SMPD3: variants seen among roughly 807,000 people sequenced by gnomAD.
SMPD3 encodes the protein sphingomyelin phosphodiesterase 3, also known as nSMase-2.
Under a neutral mutation model 55.7 loss-of-function variants are expected in SMPD3, and 21 were observed. That is an observed-to-expected ratio of 0.38 (90% confidence interval 0.27 to 0.54). SMPD3 has a LOEUF of 0.54. Among genes scored for constraint, SMPD3 ranks in the 20% least tolerant of loss-of-function variants. The probability of loss-of-function intolerance (pLI) is 0.80; values close to 1 mark genes in which losing one functional copy is unlikely to be tolerated. For missense variants in SMPD3, 842 were observed against 899.6 expected (o/e 0.94, Z 0.82); for synonymous variants, 457 against 404.3 (o/e 1.13, Z -1.56).
At chr16:68,433,978 T>C (rs921234271) in intron 1 of SMPD3, among the ~76,000 whole-genome samples, 2 of 152,150 alleles carry the variant, frequency 1.3e-5, no homozygotes, top group Admixed American at 1.3e-4. Context: ...TTTCTAAACA[T>C]ACCATATGTT....
intron 1 of SMPD3, among the ~76,000 whole-genome samples, chr16:68,444,211 T>C (rs1220652698): frequency 6.6e-6 from 1 of 152,142 alleles, no homozygotes; most frequent in African/African-American, 2.4e-5. Flanking sequence ...CACCCAGAAG[T>C]CCTCCCTTCC....
At chr16:68,425,318 T>C (rs1347221053) in intron 1 of SMPD3, among the ~76,000 whole-genome samples, 1 of 152,232 alleles carries the variant, frequency 6.6e-6, no homozygotes, top group Non-Finnish European at 1.5e-5. Context: ...GAATCTTTCC[T>C]ATTCAAAAGA....
At chr16:68,428,302 T>C (rs1486332535) in intron 1 of SMPD3, among the ~76,000 whole-genome samples, 3 of 152,006 alleles carry the variant, frequency 2.0e-5, no homozygotes, top group Non-Finnish European at 4.4e-5. Context: ...TCAGAAAGAG[T>C]AGGACAAATC....
At chr16:68,392,640 T>C (rs1296848077) in intron 1 of SMPD3, among the ~76,000 whole-genome samples, 1 of 151,896 alleles carries the variant, frequency 6.6e-6, no homozygotes, top group African/African-American at 2.4e-5. Context: ...GGTAGGAGGA[T>C]CACCTGAGGC....
intron 8 of SMPD3, 28 bp downstream of exon 8, chr16:68,361,575 C>T (rs2089270580): frequency 6.2e-7 from 1 of 1,603,050 alleles, no homozygotes; most frequent in Non-Finnish European, 8.5e-7. Context: ...CTTTGCATGG[C>T]CCTGGCTGCT....
At chr16:68,437,628 C>G (rs1643543076) in intron 1 of SMPD3, among the ~76,000 whole-genome samples, 1 of 152,166 alleles carries the variant, frequency 6.6e-6, no homozygotes, top group South Asian at 2.1e-4. Flanking sequence ...TATTATCTTG[C>G]ACATCAAAAC....
rs1415096258 is a variant in SMPD3 at position 68,358,639 on chromosome 16, TACTTAAA to T, written c.*2560_*2566del. 9.8e-5 allele frequency: 15 copies of T among 152,684 alleles called. No individual in the cohort carries two copies. Among genetic ancestry groups the T allele is most frequent in the East Asian group, 3.7e-4 (2 of 5,344 alleles). The allele number at this position is 152,684 out of a possible 1,614,324, so 9.5% of individuals were successfully genotyped here. On this transcript the variant is annotated 3_prime_UTR_variant, in exon 9 of 9. Transcript: ENST00000219334. Reference sequence around the variant, plus strand: ...TAGTTAAAAAGCATCAAGATTAATATACTTAAAACTTAAGGTGGTTTTGGACAAATGA... The same window carrying T: ...TAGTTAAAAAGCATCAAGATTAATATACTTAAGGTGGTTTTGGACAAATGA...
chr16:68,427,497 C>T (rs1457219809), intron 1 of SMPD3, among the ~76,000 whole-genome samples: 1 of 152,212 alleles, frequency 6.6e-6, no homozygotes, highest in African/African-American at 2.4e-5. Context: ...TTTGTTTCGA[C>T]ACTGTCCAAT....
chr16:68,407,662 T>A (rs2090265183), intron 1 of SMPD3, among the ~76,000 whole-genome samples: 1 of 152,212 alleles, frequency 6.6e-6, no homozygotes, highest in Non-Finnish European at 1.5e-5. Context: ...AAATTGTTTT[T>A]AATTTTTATT....
chr16:68,381,786 C>T lies in SMPD3; in HGVS notation c.-207+4812G>A, dbSNP rs372772116. Among the ~76,000 whole-genome samples, 21 of 152,244 alleles carry T rather than the reference C, an allele frequency of 1.4e-4. No individual in the cohort carries two copies. In the East Asian group the frequency reaches 3.3e-3, roughly 24 times the overall value. On this transcript the variant is annotated intron_variant, in intron 2 of 8. Coordinates refer to ENST00000219334, the MANE Select transcript of SMPD3 (RefSeq NM_018667.4). ...CCTTTGATTATAACCACCGCATGACCCATCCCATCCTGACCAATAGAGGAC... is the reference window on the plus strand; with the variant it reads ...CCTTTGATTATAACCACCGCATGACTCATCCCATCCTGACCAATAGAGGAC...
At position 68,360,253 on chromosome 16, in the gene SMPD3, T is replaced by G. The variant is rs1188494613; in HGVS notation, c.*953A>C. The G allele has an allele frequency of 6.6e-6, 1 of 152,324 alleles. No homozygotes were observed. Among genetic ancestry groups the G allele is most frequent in the East Asian group, 1.9e-4 (1 of 5,318 alleles). The allele number at this position is 152,324 out of a possible 1,614,324, so 9.4% of individuals were successfully genotyped here. A position where few individuals can be genotyped will look rare whatever the true frequency, so the allele number is the denominator to read the frequency against. On this transcript the variant is annotated 3_prime_UTR_variant, in exon 9 of 9. Transcript: ENST00000219334. Reference sequence around the variant, plus strand: ...GAGAGGATTGGCAGAAAGAAGAGGATGTGTTGGTTTTGATAGAAGAGAAGC... The same window carrying G: ...GAGAGGATTGGCAGAAAGAAGAGGAGGTGTTGGTTTTGATAGAAGAGAAGC...
At chr16:68,433,730 C>T (rs913988982) in intron 1 of SMPD3, among the ~76,000 whole-genome samples, 11 of 152,214 alleles carry the variant, frequency 7.2e-5, no homozygotes, top group Non-Finnish European at 1.5e-5. Context: ...GAAGCCCAGG[C>T]TGTGTGGGGT....
chr16:68,401,325 A>T (rs1464806798), intron 1 of SMPD3, among the ~76,000 whole-genome samples: 1 of 152,188 alleles, frequency 6.6e-6, no homozygotes, highest in Non-Finnish European at 1.5e-5. Context: ...TGTCACTGGC[A>T]CTGGAGGTTT....
intron 1 of SMPD3, among the ~76,000 whole-genome samples, chr16:68,428,622 G>A (rs2090456308): frequency 6.6e-6 from 1 of 152,220 alleles, no homozygotes; most frequent in Non-Finnish European, 1.5e-5. Context: ...GGCTTCCCAG[G>A]AAGTCATGCT....
chr16:68,401,625 C>T (rs1343874249), intron 1 of SMPD3, among the ~76,000 whole-genome samples: 1 of 152,056 alleles, frequency 6.6e-6, no homozygotes, highest in Non-Finnish European at 1.5e-5. Flanking sequence ...TATCTGAGAT[C>T]CCCACACCAA....
In SMPD3 at chr16:68,372,385, A is replaced by T. The variant is rs927449966; in HGVS notation, c.-204T>A. The T allele has an allele frequency of 2.2e-5, 14 of 645,916 alleles. No homozygotes were observed. The highest frequency in any genetic ancestry group is 3.5e-5 in the Non-Finnish European group (13 of 376,776). The allele number at this position is 645,916 out of a possible 1,614,324, so 40.0% of individuals were successfully genotyped here. A position where few individuals can be genotyped will look rare whatever the true frequency, so the allele number is the denominator to read the frequency against. On this transcript the variant is annotated splice_region_variant and 5_prime_UTR_variant, in exon 3 of 9. Coordinates refer to ENST00000219334, the MANE Select transcript of SMPD3 (RefSeq NM_018667.4). ...TGGGCCATGCGGAGGCCTACTGCAG[A>T]CCCTGCAGAGACAAAAGTAGGGGGA...
intron 8 of SMPD3, 133 bp downstream of exon 8, chr16:68,361,470 C>T (rs1371191956): frequency 7.0e-7 from 1 of 1,431,290 alleles, no homozygotes; most frequent in Non-Finnish European, 9.6e-7. Context: ...CCCTAAGGGT[C>T]TGAGGGAGTG....
chr16:68,417,751 C>T (rs2090350431), intron 1 of SMPD3, among the ~76,000 whole-genome samples: 1 of 152,164 alleles, frequency 6.6e-6, no homozygotes, highest in African/African-American at 2.4e-5. Context: ...TTCTTTGTGT[C>T]GTTTTGCTAT....
intron 1 of SMPD3, among the ~76,000 whole-genome samples, chr16:68,428,025 T>C (rs1246056960): frequency 1.3e-5 from 2 of 152,168 alleles, no homozygotes; most frequent in Non-Finnish European, 2.9e-5. Flanking sequence ...CATCTTCCTG[T>C]GCCTCTGTCA....
Sources: gnomAD v4.1 joint callset for allele counts (sites outside exome capture counted in the v4.1 genomes callset) on GRCh38, gnomAD v4.1.1 for gene constraint, MANE v1.5 for transcripts, NCBI Gene and HGNC (gene_info 2026-07-23, HGNC 2026-07-21) for gene names.